The following KLHDC2 variants were observed in gnomAD, a reference collection of about 807,000 sequenced individuals.
KLHDC2 encodes kelch domain-containing protein 2.
In KLHDC2, 38 loss-of-function variants were observed where a neutral mutation model predicts 62.3. That is an observed-to-expected ratio of 0.61 (90% confidence interval 0.47 to 0.80). The LOEUF (loss-of-function observed/expected upper bound fraction) is 0.80. Among genes scored for constraint, KLHDC2 ranks in the 30% least tolerant of loss-of-function variants. The pLI, the probability that KLHDC2 is intolerant of heterozygous loss-of-function variation, is 0.00. For synonymous variants in KLHDC2, 159 were observed against 161.0 expected (o/e 0.99, Z 0.09); for missense variants, 430 against 495.3 (o/e 0.87, Z 1.25).
At chr14:49,770,950 T>G (rs565919487) in intron 1 of KLHDC2, among the ~76,000 whole-genome samples, 1 of 152,322 alleles carries the variant, frequency 6.6e-6, no homozygotes, top group Admixed American at 6.5e-5. Context: ...ATCAGGCACT[T>G]TCAGTAACAG....
At chr14:49,778,135 A>T (rs767827936) in intron 4 of KLHDC2, 43 bp from the exon 5 acceptor site, 2 of 1,291,690 alleles carry the variant, frequency 1.5e-6, no homozygotes, top group Non-Finnish European at 2.2e-6. Context: ...ATCCTATCCT[A>T]TGGGTATTTG....
Position 49,777,824 on chromosome 14 carries a change from C to A in KLHDC2, c.352-15C>A, listed in dbSNP as rs1004603662. On this transcript the variant is annotated splice_polypyrimidine_tract_variant and intron_variant, in intron 3 of 12. Transcript: ENST00000298307. ...TCATAAAACCAACTCTAACTGAAAT[C>A]ATTGCTTCTGACAGTTCTACATGCT... 7.4e-6 allele frequency: 10 copies of A among 1,346,126 alleles called. No homozygotes were observed. Among genetic ancestry groups the A allele is most frequent in the Non-Finnish European group, 1.0e-5 (10 of 969,438 alleles). 83.4% of individuals were successfully genotyped at this position (1,346,126 alleles called of 1,614,324 possible).
chr14:49,777,917 T>C lies in KLHDC2; in HGVS notation c.430T>C (p.Ser144Pro), dbSNP rs756665136. The C allele has an allele frequency of 1.1e-5, 17 of 1,612,158 alleles. No individual in the cohort carries two copies. In the Admixed American group the frequency reaches 2.2e-4, roughly 21 times the overall value. Residue 144 changes from serine to proline, a missense_variant, in exon 4 of 13, where the codon TCA (serine) becomes CCA (proline). Ser to Pro is a moderately conservative substitution (Grantham distance 74, BLOSUM62 -1). Coordinates refer to ENST00000298307, the MANE Select transcript of KLHDC2 (RefSeq NM_014315.3). The part of the protein sequence containing the change: ...RIDCQGIPPS[S>P]KDKLGVWVYK... Reference sequence around the variant, plus strand: ...TGATTGCCAAGGAATTCCTCCATCATCAAAGGACAAACTTGGTGTCTGGGT... The same window carrying C: ...TGATTGCCAAGGAATTCCTCCATCACCAAAGGACAAACTTGGTGTCTGGGT...
At chr14:49,771,455 T>G in intron 1 of KLHDC2, 139 bp from the exon 2 acceptor site, 6 of 515,682 alleles carry the variant, frequency 1.2e-5, no homozygotes, top group East Asian at 3.4e-5. Flanking sequence ...GTGTGTGGCA[T>G]GGGTGGGGGA....
At chr14:49,769,662 C>T (rs1889620152) in intron 1 of KLHDC2, among the ~76,000 whole-genome samples, 1 of 152,062 alleles carries the variant, frequency 6.6e-6, no homozygotes, top group Non-Finnish European at 1.5e-5. Flanking sequence ...GGGGGCCGGG[C>T]GCGGTGGCTC....
intron 1 of KLHDC2, 77 bp downstream of exon 1, chr14:49,768,698 C>G (rs1263722846): frequency 5.9e-6 from 8 of 1,362,786 alleles, no homozygotes; most frequent in Admixed American, 6.4e-5. Flanking sequence ...GCGGGGAGGC[C>G]AGAGCGGGCC....
intron 3 of KLHDC2, 55 bp from the exon 4 acceptor site, chr14:49,777,784 A>G (rs1426205444): frequency 4.3e-6 from 4 of 935,454 alleles, no homozygotes; most frequent in Non-Finnish European, 6.6e-6. Flanking sequence ...ATTAAATGCT[A>G]AACTTGAATT....
intron 2 of KLHDC2, among the ~76,000 whole-genome samples, chr14:49,773,136 G>T (rs554581335): frequency 1.3e-5 from 2 of 152,046 alleles, no homozygotes; most frequent in Middle Eastern, 3.4e-3. Flanking sequence ...TTAAGGGGCC[G>T]GGCACGGTGG....
Position 49,784,651 on chromosome 14 carries a change from G to A in KLHDC2, c.*1698G>A, listed in dbSNP as rs10143621. On this transcript the variant is annotated 3_prime_UTR_variant, in exon 13 of 13. Coordinates refer to ENST00000298307, the MANE Select transcript of KLHDC2 (RefSeq NM_014315.3). ...TTCATTTCAGCTATTTCCTTTTTACGTTCAGAAGATTGGGTGCAGACACTT... is the reference window on the plus strand; with the variant it reads ...TTCATTTCAGCTATTTCCTTTTTACATTCAGAAGATTGGGTGCAGACACTT... 6.0e-3 allele frequency: 9,699 copies of A among 1,608,180 alleles called. 525 individuals are homozygous for A. In the African/African-American group the frequency reaches 0.11, roughly 18 times the overall value.
chr14:49,769,652 G>A (rs1889619797), intron 1 of KLHDC2, among the ~76,000 whole-genome samples: 1 of 152,136 alleles, frequency 6.6e-6, no homozygotes, highest in Non-Finnish European at 1.5e-5. Flanking sequence ...AAAATAGAAA[G>A]GGGGCCGGGC....
chr14:49,774,540 A>T (rs4499141), intron 2 of KLHDC2, 21 bp from the exon 3 acceptor site: 2 of 1,459,662 alleles, frequency 1.4e-6, no homozygotes, highest in Non-Finnish European at 1.9e-6. Flanking sequence ...ACTTACATAC[A>T]TTTAATTTAT....
rs747221895 is a variant in KLHDC2 at position 49,784,594 on chromosome 14, A to G, written c.*1641A>G. ...TTCATCTTTGAACTTCCAAAAGGCT[A>G]TAAAATTGGCTCTTCTCAAATATTT... On this transcript the variant is annotated 3_prime_UTR_variant, in exon 13 of 13. Transcript: ENST00000298307. The G allele has an allele frequency of 2.8e-6, 4 of 1,408,440 alleles. No homozygotes were observed. The highest frequency in any genetic ancestry group is 4.0e-6 in the Non-Finnish European group (4 of 1,002,434). The allele number at this position is 1,408,440 out of a possible 1,614,324, so 87.2% of individuals were successfully genotyped here.
intron 3 of KLHDC2, among the ~76,000 whole-genome samples, chr14:49,775,636 TTTCGGA>T (rs1889756157): frequency 1.3e-5 from 1 of 74,846 alleles, no homozygotes; most frequent in Non-Finnish European, 2.9e-5. Context: ...TTTTTTTTTT[TTTCGGA>T]TGGGGACAGA....
chr14:49,779,678 AAG>A lies in KLHDC2; in HGVS notation c.714+4_714+5del. 6.2e-7 allele frequency: 1 copy of A among 1,613,756 alleles called. No individual in the cohort carries two copies. The highest frequency in any genetic ancestry group is 8.5e-7 in the Non-Finnish European group (1 of 1,179,644). Reference sequence around the variant, plus strand: ...TCGTGTTTGGAGGCAGATATCGAGTAAGTATTCAAACGACTTCAATGACTTGC... The same window carrying A: ...TCGTGTTTGGAGGCAGATATCGAGTATATTCAAACGACTTCAATGACTTGC... On this transcript the variant is annotated splice_donor_5th_base_variant and intron_variant, in intron 7 of 12. Transcript: ENST00000298307.
Position 49,780,174 on chromosome 14 carries a change from T to C in KLHDC2, c.774-39T>C, listed in dbSNP as rs369461202. On this transcript the variant is annotated intron_variant, in intron 8 of 12. Coordinates refer to ENST00000298307, the MANE Select transcript of KLHDC2 (RefSeq NM_014315.3). ...GAAAACTTAAAAATACAGTAGCTGC[T>C]TCTAAATGCAGATATTGTAACTTAG... The C allele has an allele frequency of 6.8e-5, 84 of 1,237,616 alleles. No individual in the cohort carries two copies. The African/African-American group carries it at 1.0e-3, about 15-fold the overall frequency. 76.7% of individuals were successfully genotyped at this position (1,237,616 alleles called of 1,614,324 possible). A position where few individuals can be genotyped will look rare whatever the true frequency, so the allele number is the denominator to read the frequency against.
chr14:49,768,738 G>GCCCCACCTC, intron 1 of KLHDC2, 117 bp downstream of exon 1: 1 of 974,160 alleles, frequency 1.0e-6, no homozygotes, highest in South Asian at 1.8e-5. Context: ...TGCGTCGCGC[G>GCCCCACCTC]CCCCACCTCA....
At position 49,782,359 on chromosome 14, in the gene KLHDC2, T is replaced by C. The variant is rs200043655; in HGVS notation, c.957-11T>C. ...TGGGTGGCTTCAAACTCGTTTTTGT[T>C]TTAAATGCAGGTTATGGCACACAGC... is the stretch of plus-strand genomic sequence containing the variant. On this transcript the variant is annotated splice_polypyrimidine_tract_variant and intron_variant, in intron 10 of 12. Transcript: ENST00000298307. 153 of 1,595,056 alleles carry C rather than the reference T, an allele frequency of 9.6e-5. No individual in the cohort carries two copies. In the African/African-American group the frequency reaches 1.8e-3, roughly 19 times the overall value.
intron 8 of KLHDC2, 170 bp from the exon 9 acceptor site, chr14:49,780,043 C>G (rs1242529842): frequency 8.0e-6 from 5 of 623,952 alleles, no homozygotes; most frequent in Middle Eastern, 4.3e-4. Flanking sequence ...GAAGTTGATT[C>G]TAACGTCAAA....
intron 9 of KLHDC2, 91 bp from the exon 10 acceptor site, chr14:49,780,612 T>G: frequency 1.4e-5 from 13 of 897,068 alleles, no homozygotes; most frequent in Non-Finnish European, 2.1e-5. Context: ...TATCTGCTCA[T>G]GATCTATTAC....
Sources: allele counts gnomAD v4.1 joint callset (sites outside exome capture counted in the v4.1 genomes callset), GRCh38; gene constraint gnomAD v4.1.1; transcripts MANE v1.5; gene names NCBI Gene and HGNC (gene_info 2026-07-23, HGNC 2026-07-21).